The following ATAT1 variants were observed in gnomAD, a reference collection of about 807,000 sequenced individuals.
ATAT1 encodes the protein alpha tubulin acetyltransferase 1.
A neutral mutation model predicts 57.2 loss-of-function variants in ATAT1; 42 were observed. The ratio of observed to expected loss-of-function variants is 0.73; its 90% CI spans 0.57 to 0.95. ATAT1 has a LOEUF of 0.95. ATAT1 is among the 40% of genes least tolerant of loss of function. ATAT1 has a pLI of 0.00. For missense variants in ATAT1, 454 were observed against 523.7 expected, an observed-to-expected ratio of 0.87 and a Z score of 1.30; for synonymous variants, 168 against 187.1, an observed-to-expected ratio of 0.90 and a Z score of 0.83.
rs149564686 is a variant in ATAT1, at chr6:30,628,018, T to C, written c.286-14T>C. The C allele has an allele frequency of 2.1e-4, 343 of 1,612,244 alleles. 1 individual carries two copies. The African/African-American group carries it at 4.2e-3, about 20-fold the overall frequency. On this transcript the variant is annotated splice_polypyrimidine_tract_variant and intron_variant, in intron 4 of 12. Coordinates refer to ENST00000330083, the MANE Select transcript of ATAT1 (RefSeq NM_001031722.4). Reference sequence around the variant, plus strand: ...GCCGGGGTTCCTAAAACATTTTTATTGTTTCTCTCTTAGGATGATCGTGAG... The same window carrying C: ...GCCGGGGTTCCTAAAACATTTTTATCGTTTCTCTCTTAGGATGATCGTGAG...
intron 6 of ATAT1, among the ~76,000 whole-genome samples, chr6:30,636,105 A>AT (rs1281489998): frequency 6.6e-6 from 1 of 152,156 alleles, no homozygotes; most frequent in Non-Finnish European, 1.5e-5. Flanking sequence ...CCATTGTAAC[A>AT]TGATTTGATA....
chr6:30,635,339 C>T (rs1228519592), intron 6 of ATAT1, among the ~76,000 whole-genome samples: 2 of 152,126 alleles, frequency 1.3e-5, no homozygotes, highest in Non-Finnish European at 2.9e-5. Context: ...TGGCTCACAC[C>T]TGTAATCCCA....
chr6:30,635,889 G>T (rs1394970164), intron 6 of ATAT1, among the ~76,000 whole-genome samples: 1 of 152,196 alleles, frequency 6.6e-6, no homozygotes, highest in Non-Finnish European at 1.5e-5. Flanking sequence ...TAGAAATAGA[G>T]CAAGAGCTGG....
intron 10 of ATAT1, chr6:30,643,831 A>G: frequency 7.6e-7 from 1 of 1,320,048 alleles, no homozygotes; most frequent in South Asian, 2.4e-5. Context: ...CTGTTGCCAG[A>G]CTTCTTGGTT....
intron 6 of ATAT1, among the ~76,000 whole-genome samples, chr6:30,633,265 T>C (rs557914948): frequency 6.6e-6 from 1 of 152,272 alleles, no homozygotes; most frequent in East Asian, 1.9e-4. Flanking sequence ...TAATTGGAGA[T>C]GTCTGTGATA....
chr6:30,627,556 C>T lies in ATAT1; in HGVS notation c.132+36C>T, dbSNP rs376626078. The T allele has an allele frequency of 2.0e-4, 319 of 1,606,896 alleles. 3 individuals are homozygous for T. The South Asian group carries it at 2.8e-3, about 14-fold the overall frequency. ...GTTTTTAGATGGAGTAAAGGGAGGA[C>T]CTCTGTGGGGATGGTATATAAGGGA... On this transcript the variant is annotated intron_variant, in intron 2 of 12. Transcript: ENST00000330083.
chr6:30,628,876 T>G (rs1762230248), intron 6 of ATAT1, among the ~76,000 whole-genome samples: 1 of 151,864 alleles, frequency 6.6e-6, no homozygotes, highest in Non-Finnish European at 1.5e-5. Flanking sequence ...ATGCTGGGAT[T>G]ACAGGTGTGA....
At chr6:30,633,692 T>C (rs1763395613) in intron 6 of ATAT1, 1 of 210,702 alleles carries the variant, frequency 4.7e-6, no homozygotes. Flanking sequence ...CAAGGAGAAG[T>C]TGTGGAGGAG....
At chr6:30,643,097 A>G in intron 10 of ATAT1, 86 bp downstream of exon 10, 1 of 1,518,764 alleles carries the variant, frequency 6.6e-7, no homozygotes, top group Non-Finnish European at 8.8e-7. Context: ...TCCATCAGAG[A>G]GATGGATCAA....
At chr6:30,642,730 TC>T in intron 9 of ATAT1, 37 bp from the exon 10 acceptor site, 2 of 1,357,018 alleles carry the variant, frequency 1.5e-6, no homozygotes, top group African/African-American at 1.4e-5. Flanking sequence ...CCTTTTTTCT[TC>T]TTTTTCTGTC....
chr6:30,636,344 G>A (rs1764066461), intron 6 of ATAT1, among the ~76,000 whole-genome samples: 2 of 152,192 alleles, frequency 1.3e-5, no homozygotes, highest in African/African-American at 4.8e-5. Context: ...CAGCACTTTG[G>A]GAGGCCAAGG....
Position 30,628,141 on chromosome 6 carries a change from T to C in ATAT1, c.395T>C (p.Leu132Ser). The C allele has an allele frequency of 6.2e-7, 1 of 1,612,310 alleles. No individual in the cohort carries two copies. The highest frequency in any genetic ancestry group is 8.5e-7 in the Non-Finnish European group (1 of 1,179,430). Reference sequence around the variant, plus strand: ...GGGCGAGAACTCTTCCAGTATATGTTGCAGGTATCACTGACCTCTTCACTG... The same window carrying C: ...GGGCGAGAACTCTTCCAGTATATGTCGCAGGTATCACTGACCTCTTCACTG... Residue 132 changes from leucine to serine, a missense_variant, in exon 5 of 13, where the codon TTG becomes TCG. Coordinates refer to ENST00000330083, the MANE Select transcript of ATAT1 (RefSeq NM_001031722.4).
chr6:30,628,424 C>G lies in ATAT1; in HGVS notation c.495C>G (p.Val165=). 1 of 1,609,934 alleles carries G rather than the reference C, an allele frequency of 6.2e-7. No homozygotes were observed. Among genetic ancestry groups the G allele is most frequent in the Non-Finnish European group, 8.5e-7 (1 of 1,177,190 alleles). ...AGCACTACAATCTGGAGACCACAGT[C>G]CCACAGGTTAGAGGTTTCAGAGAAT... The change falls in exon 6 of 13, where the codon GTC becomes GTG. Residue 165 remains valine (V), a synonymous_variant. Transcript: ENST00000330083.
At chr6:30,644,164 TG>T (rs1209518391) in intron 10 of ATAT1, 1 of 985,836 alleles carries the variant, frequency 1.0e-6, no homozygotes. Flanking sequence ...CCACATTTTG[TG>T]TAGGTGTCAG....
intron 6 of ATAT1, among the ~76,000 whole-genome samples, chr6:30,638,427 G>C (rs1764628518): frequency 6.6e-6 from 1 of 151,976 alleles, no homozygotes; most frequent in African/African-American, 2.4e-5. Flanking sequence ...TGAGTAGCTA[G>C]GATTACAGGC....
rs1451941341 is a variant in ATAT1 at position 30,627,734 on chromosome 6, G to A, written c.224+7G>A. 6.8e-6 allele frequency: 11 copies of A among 1,611,280 alleles called. No homozygotes were observed. The highest frequency in any genetic ancestry group is 9.3e-6 in the Non-Finnish European group (11 of 1,178,544). ...AAGACAGTTCAGCCCGACCGTGAGTGCCACATGCTCTTCCATCCCATACTT... is the reference window on the plus strand; with the variant it reads ...AAGACAGTTCAGCCCGACCGTGAGTACCACATGCTCTTCCATCCCATACTT... On this transcript the variant is annotated splice_region_variant and intron_variant, in intron 3 of 12. Coordinates refer to ENST00000330083, the MANE Select transcript of ATAT1 (RefSeq NM_001031722.4).
chr6:30,642,834 C>CGCCCCCCCCCCCCCCCCCCCCCCCCG lies in ATAT1; in HGVS notation c.755_756insGCCCCCCCCCCCCCCCCCCCCCCCCG (p.His253ProfsTer75). ...GCCCCTCGCCGCGCCACACCTCCAG[C>CGCCCCCCCCCCCCCCCCCCCCCCCCG]CCACCCACCCCCCCGCTCCAGCAGC... On this transcript the variant is annotated frameshift_variant, in exon 10 of 13. Transcript: ENST00000330083. LOFTEE classifies it high-confidence loss of function. 2.4e-6 allele frequency: 1 copy of CGCCCCCCCCCCCCCCCCCCCCCCCCG among 415,886 alleles called. No homozygotes were observed. The highest frequency in any genetic ancestry group is 4.0e-6 in the Non-Finnish European group (1 of 251,606). The allele number at this position is 415,886 out of a possible 1,614,324, so 25.8% of individuals were successfully genotyped here. A position where few individuals can be genotyped will look rare whatever the true frequency, so the allele number is the denominator to read the frequency against.
Position 30,646,785 on chromosome 6 carries a change from T to C in ATAT1, c.*142T>C. 2.4e-6 allele frequency: 3 copies of C among 1,273,760 alleles called. No individual in the cohort carries two copies. The highest frequency in any genetic ancestry group is 3.1e-6 in the Non-Finnish European group (3 of 961,744). 78.9% of individuals were successfully genotyped at this position (1,273,760 alleles called of 1,614,324 possible). A position where few individuals can be genotyped will look rare whatever the true frequency, so the allele number is the denominator to read the frequency against. On this transcript the variant is annotated 3_prime_UTR_variant, in exon 13 of 13. Transcript: ENST00000330083. ...ATCAGATTCAAGTCATTTGTATCTT[T>C]TAACCAGACCAATAAAAGTATTTAT...
intron 6 of ATAT1, among the ~76,000 whole-genome samples, chr6:30,632,221 A>T (rs1381172611): frequency 1.3e-4 from 19 of 147,782 alleles, no homozygotes; most frequent in Non-Finnish European, 2.7e-4. Context: ...AGCCGCTGAA[A>T]TTGTACCACT....
Sources: allele counts gnomAD v4.1 joint callset (sites outside exome capture counted in the v4.1 genomes callset), GRCh38; gene constraint gnomAD v4.1.1; transcripts MANE v1.5; gene names NCBI Gene and HGNC (gene_info 2026-07-23, HGNC 2026-07-21).